KIAA1549L: variants seen among roughly 807,000 people sequenced by gnomAD.
KIAA1549L encodes the protein UPF0606 protein KIAA1549L.
A neutral mutation model predicts 160.7 loss-of-function variants in KIAA1549L; 88 were observed. That is an observed-to-expected ratio of 0.55 (90% CI 0.46 to 0.65). The LOEUF (loss-of-function observed/expected upper bound fraction) is 0.65. KIAA1549L is among the 30% of genes least tolerant of loss of function. The pLI, the probability that KIAA1549L is intolerant of heterozygous loss-of-function variation, is 0.00. For synonymous variants in KIAA1549L, 950 were observed against 976.7 expected, an observed-to-expected ratio of 0.97 and a Z score of 0.51; for missense variants, 2,258 against 2,437.5, an observed-to-expected ratio of 0.93 and a Z score of 1.55.
At position 33,438,771 on chromosome 11, in the gene KIAA1549L, G is replaced by A. The variant is rs562472536; in HGVS notation, c.238+61882G>A. Among the ~76,000 whole-genome samples the A allele has an allele frequency of 1.8e-4, 28 of 152,034 alleles. No homozygotes were observed. In the Middle Eastern group the frequency reaches 0.014, roughly 74 times the overall value. ...TTAGAAGTCTTGGAAGACTTCTTGT[G>A]GGATGAGAAGTGTTCTTCCTCTATT... On this transcript the variant is annotated intron_variant, in intron 1 of 20. Transcript: ENST00000658780.
intron 9 of KIAA1549L, among the ~76,000 whole-genome samples, chr11:33,568,559 G>A (rs1320066446): frequency 6.6e-6 from 1 of 152,190 alleles, no homozygotes; most frequent in African/African-American, 2.4e-5. Flanking sequence ...AGCTTGTTCA[G>A]TAAGCTCAAT....
chr11:33,583,669 G>T (rs1300423153), intron 11 of KIAA1549L, among the ~76,000 whole-genome samples, 168 bp downstream of exon 11: 1 of 152,172 alleles, frequency 6.6e-6, no homozygotes. Flanking sequence ...ATGGTTTGTG[G>T]TTATCTGATG....
intron 10 of KIAA1549L, 27 bp from the exon 11 acceptor site, chr11:33,583,311 G>A (rs776002610): frequency 1.3e-6 from 2 of 1,583,772 alleles, no homozygotes; most frequent in Non-Finnish European, 1.7e-6. Flanking sequence ...TGCTTGTCAT[G>A]TCCCTCCTGC....
intron 15 of KIAA1549L, among the ~76,000 whole-genome samples, chr11:33,617,096 G>A (rs534859656): frequency 7.4e-5 from 11 of 149,270 alleles, no homozygotes; most frequent in South Asian, 4.2e-4. Flanking sequence ...AGGTTATACC[G>A]CTGCACTCCA....
chr11:33,534,345 G>A (rs1853844482), intron 1 of KIAA1549L, among the ~76,000 whole-genome samples: 1 of 150,982 alleles, frequency 6.6e-6, no homozygotes, highest in Admixed American at 6.6e-5. Flanking sequence ...GCTCCCCCTT[G>A]GCCTCTCAAA....
chr11:33,477,028 G>T (rs1157507716), intron 1 of KIAA1549L, among the ~76,000 whole-genome samples: 1 of 152,196 alleles, frequency 6.6e-6, no homozygotes, highest in African/African-American at 2.4e-5. Flanking sequence ...CAGTAAACTG[G>T]AGCCTAGAGG....
intron 1 of KIAA1549L, among the ~76,000 whole-genome samples, chr11:33,495,686 C>T (rs991832351): frequency 6.6e-6 from 1 of 151,976 alleles, no homozygotes; most frequent in African/African-American, 2.4e-5. Flanking sequence ...GTTCTAGATC[C>T]CTGAGGAATC....
At chr11:33,475,144 T>C (rs1361515660) in intron 1 of KIAA1549L, among the ~76,000 whole-genome samples, 5 of 152,202 alleles carry the variant, frequency 3.3e-5, no homozygotes, top group Admixed American at 3.3e-4. Context: ...CAGAGCTGTA[T>C]ATGCCCCTAA....
intron 1 of KIAA1549L, among the ~76,000 whole-genome samples, chr11:33,417,168 A>T (rs1465306198): frequency 3.9e-5 from 6 of 152,228 alleles, no homozygotes; most frequent in African/African-American, 1.2e-4. Context: ...TTAAATAGCC[A>T]TATGTGGCTG....
chr11:33,618,669 C>G lies in KIAA1549L; in HGVS notation c.5409+7C>G, dbSNP rs1253163352. 6.4e-7 allele frequency: 1 copy of G among 1,565,502 alleles called. No homozygotes were observed. The highest frequency in any genetic ancestry group is 8.7e-7 in the Non-Finnish European group (1 of 1,151,588). On this transcript the variant is annotated splice_region_variant and intron_variant, in intron 16 of 20. Coordinates refer to ENST00000658780, the MANE Select transcript of KIAA1549L (RefSeq NM_012194.3). ...CCGCAACAGCGGATACGATGTGAGT[C>G]TCTGGTGGGCTGGGTAAATACAAGC...
In KIAA1549L at chr11:33,671,019, T is replaced by G. The variant is rs1258724074; in HGVS notation, c.*2865T>G. On this transcript the variant is annotated 3_prime_UTR_variant, in exon 21 of 21. Transcript: ENST00000658780. ...AAAAGATAAGGGTCATATGAAGAAC[T>G]CCATAATGTTCTTGCCAAGAAAAAA... is the stretch of plus-strand genomic sequence containing the variant. The G allele has an allele frequency of 6.6e-6, 1 of 152,110 alleles. No homozygotes were observed. The highest frequency in any genetic ancestry group is 2.4e-5 in the African/African-American group (1 of 41,416). The allele number at this position is 152,110 out of a possible 1,614,324, so 9.4% of individuals were successfully genotyped here.
intron 11 of KIAA1549L, among the ~76,000 whole-genome samples, chr11:33,584,359 C>T (rs1487241170): frequency 1.3e-5 from 2 of 152,208 alleles, no homozygotes; most frequent in African/African-American, 4.8e-5. Flanking sequence ...GGAGAAGCTG[C>T]AGGGCTTTGG....
At position 33,583,409 on chromosome 11, in the gene KIAA1549L, G is replaced by GTCATCA. The variant is rs773507581; in HGVS notation, c.4487_4492dup (p.Ile1496_Ile1497dup). The GTCATCA allele has an allele frequency of 1.3e-6, 2 of 1,592,822 alleles. No homozygotes were observed. Among genetic ancestry groups the GTCATCA allele is most frequent in the South Asian group, 1.1e-5 (1 of 88,138 alleles). Reference sequence around the variant, plus strand: ...GCTGGCGCCCATTGCCGTGGTCACGGTCATCATCATCATCATCACTGCCGT... The same window carrying GTCATCA: ...GCTGGCGCCCATTGCCGTGGTCACGGTCATCATCATCATCATCATCATCACTGCCGT... On this transcript the variant is annotated inframe_insertion, in exon 11 of 21. Transcript: ENST00000658780.
intron 1 of KIAA1549L, among the ~76,000 whole-genome samples, chr11:33,460,087 A>C (rs1364559315): frequency 6.6e-6 from 1 of 152,140 alleles, no homozygotes; most frequent in East Asian, 1.9e-4. Flanking sequence ...TCATGGGAGC[A>C]ATTTCTTTCA....
At chr11:33,427,553 C>T (rs1261451780) in intron 1 of KIAA1549L, among the ~76,000 whole-genome samples, 1 of 152,132 alleles carries the variant, frequency 6.6e-6, no homozygotes, top group Non-Finnish European at 1.5e-5. Flanking sequence ...TTCAGCAAAC[C>T]CCCTTGAAAT....
chr11:33,537,176 C>T (rs1211535554), intron 1 of KIAA1549L, among the ~76,000 whole-genome samples: 1 of 152,182 alleles, frequency 6.6e-6, no homozygotes, highest in Non-Finnish European at 1.5e-5. Flanking sequence ...AATGCTTTTC[C>T]CTACCCTCTT....
At chr11:33,499,645 T>C (rs1205486046) in intron 1 of KIAA1549L, among the ~76,000 whole-genome samples, 1 of 152,238 alleles carries the variant, frequency 6.6e-6, no homozygotes, top group African/African-American at 2.4e-5. Context: ...TGGATCAACT[T>C]GTAGGACCTT....
chr11:33,388,099 G>A (rs952838564), intron 1 of KIAA1549L, among the ~76,000 whole-genome samples: 2 of 152,168 alleles, frequency 1.3e-5, no homozygotes, highest in African/African-American at 4.8e-5. Context: ...TCTTTGCCTT[G>A]TGTATTAGTC....
intron 1 of KIAA1549L, among the ~76,000 whole-genome samples, chr11:33,420,514 A>T (rs1008785738): frequency 1.3e-5 from 2 of 152,158 alleles, no homozygotes; most frequent in Non-Finnish European, 2.9e-5. Context: ...GGCGTGAGCC[A>T]CTGTGCCCAG....
Sources: gnomAD v4.1 joint callset for allele counts (sites outside exome capture counted in the v4.1 genomes callset) on GRCh38, gnomAD v4.1.1 for gene constraint, MANE v1.5 for transcripts, NCBI Gene and HGNC (gene_info 2026-07-23, HGNC 2026-07-21) for gene names.